TNFRSF13B: variants seen among roughly 807,000 people sequenced by gnomAD.
TNFRSF13B encodes the protein tumor necrosis factor receptor superfamily member 13B.
In TNFRSF13B, 34 loss-of-function variants were observed where a neutral mutation model predicts 24.0. The ratio of observed to expected loss-of-function variants is 1.41; its 90% CI spans 1.08 to 1.88. The LOEUF (loss-of-function observed/expected upper bound fraction) is 1.88. Ranked by LOEUF, TNFRSF13B falls within the 40% of genes most tolerant of loss-of-function variation. The pLI is 0.00. For synonymous variants in TNFRSF13B, 173 were observed against 150.3 expected (o/e 1.15, Z -1.10); for missense variants, 415 against 380.8 (o/e 1.09, Z -0.75).
In TNFRSF13B at chr17:16,961,927, C is replaced by CA. The variant is rs2087665082; in HGVS notation, c.62-9345dup. The stretch of plus-strand genomic sequence containing the variant: ...TGCTCCACTGAATCTGGGGAGTGGC[C>CA]AAAAAAACCACGGGTAGAACAGGAC... On this transcript the variant is annotated intron_variant, in intron 1 of 4. Coordinates refer to ENST00000261652, the MANE Select transcript of TNFRSF13B (RefSeq NM_012452.3). Among the ~76,000 whole-genome samples the CA allele has an allele frequency of 2.0e-5, 3 of 151,998 alleles. No homozygotes were observed. The South Asian group carries it at 6.2e-4, about 32-fold the overall frequency.
intron 1 of TNFRSF13B, among the ~76,000 whole-genome samples, chr17:16,953,493 C>G (rs1471902482): frequency 6.6e-6 from 1 of 152,320 alleles, no homozygotes; most frequent in East Asian, 1.9e-4. Flanking sequence ...GGTCCCCCGA[C>G]ACCCAATGCC....
chr17:16,939,424 TTCTCTCCCTCTCTGCCTCCTCTGTC>T lies in TNFRSF13B; in HGVS notation c.*98_*122del. 8.4e-7 allele frequency: 1 copy of T among 1,192,284 alleles called. No individual in the cohort carries two copies. The highest frequency in any genetic ancestry group is 1.2e-6 in the Non-Finnish European group (1 of 865,542). 73.9% of individuals were successfully genotyped at this position (1,192,284 alleles called of 1,614,324 possible). ...CTCTCTCCCTCTCTGTCTCCTCTGTTTCTCTCCCTCTCTGCCTCCTCTGTCTCTCTCTCCTCATATCTCTCTCCCC... is the reference window on the plus strand; with the variant it reads ...CTCTCTCCCTCTCTGTCTCCTCTGTTTCTCTCTCCTCATATCTCTCTCCCC... On this transcript the variant is annotated 3_prime_UTR_variant, in exon 5 of 5. Coordinates refer to ENST00000261652, the MANE Select transcript of TNFRSF13B (RefSeq NM_012452.3).
intron 1 of TNFRSF13B, among the ~76,000 whole-genome samples, chr17:16,970,413 G>T (rs908205353): frequency 5.0e-4 from 76 of 152,282 alleles, no homozygotes; most frequent in African/African-American, 1.8e-3. Flanking sequence ...CCTCCTCACG[G>T]GCTTGGCCGG....
chr17:16,959,165 CAG>C (rs1408882798), intron 1 of TNFRSF13B, among the ~76,000 whole-genome samples: 7 of 151,880 alleles, frequency 4.6e-5, no homozygotes, highest in Non-Finnish European at 2.9e-5. Flanking sequence ...AGATCAATAA[CAG>C]AAGGAAAATT....
intron 3 of TNFRSF13B, among the ~76,000 whole-genome samples, chr17:16,947,331 C>T (rs1236516777): frequency 2.6e-5 from 4 of 152,042 alleles, no homozygotes; most frequent in Non-Finnish European, 5.9e-5. Context: ...GCAATTGCAA[C>T]AAAAACAAAA....
intron 1 of TNFRSF13B, among the ~76,000 whole-genome samples, chr17:16,957,141 A>G (rs1754434329): frequency 1.3e-5 from 2 of 149,288 alleles, no homozygotes; most frequent in South Asian, 4.2e-4. Flanking sequence ...CTTTTGCTGA[A>G]TTTTTCTGTG....
intron 1 of TNFRSF13B, among the ~76,000 whole-genome samples, chr17:16,952,882 C>T (rs935441403): frequency 3.3e-5 from 5 of 152,172 alleles, no homozygotes; most frequent in Non-Finnish European, 7.4e-5. Flanking sequence ...CCTTAACGTG[C>T]CACGCCTCTC....
chr17:16,940,059 T>C, intron 4 of TNFRSF13B: 2 of 1,043,210 alleles, frequency 1.9e-6, no homozygotes, highest in Non-Finnish European at 2.7e-6. Context: ...CTCCTGGGCT[T>C]AGCCCTGAAG....
chr17:16,953,911 T>G (rs2087607599), intron 1 of TNFRSF13B, among the ~76,000 whole-genome samples: 1 of 152,084 alleles, frequency 6.6e-6, no homozygotes, highest in Non-Finnish European at 1.5e-5. Context: ...GGATTACAAG[T>G]GCATGCTACC....
chr17:16,944,817 G>A (rs986479428), intron 3 of TNFRSF13B, among the ~76,000 whole-genome samples: 4 of 152,172 alleles, frequency 2.6e-5, no homozygotes, highest in African/African-American at 9.7e-5. Flanking sequence ...GGCAGGGCTG[G>A]AGACAGGGAA....
At position 16,939,291 on chromosome 17, in the gene TNFRSF13B, C is replaced by G; in HGVS notation, c.*256G>C. 2.1e-6 allele frequency: 1 copy of G among 487,720 alleles called. No homozygotes were observed. Among genetic ancestry groups the G allele is most frequent in the Non-Finnish European group, 3.6e-6 (1 of 277,136 alleles). The allele number at this position is 487,720 out of a possible 1,614,324, so 30.2% of individuals were successfully genotyped here. On this transcript the variant is annotated 3_prime_UTR_variant, in exon 5 of 5. Transcript: ENST00000261652. ...TCTCTGTCTCTCTGCCTCTCTCCCT[C>G]TCTGCCTCTCTCCCTCTCTGCCTCT...
At chr17:16,941,944 C>G (rs1292266821) in intron 3 of TNFRSF13B, among the ~76,000 whole-genome samples, 1 of 152,144 alleles carries the variant, frequency 6.6e-6, no homozygotes, top group Non-Finnish European at 1.5e-5. Flanking sequence ...GTGTATTAGA[C>G]CTTCGTTTCT....
Position 16,939,475 on chromosome 17 carries a change from T to G in TNFRSF13B, c.*72A>C. On this transcript the variant is annotated 3_prime_UTR_variant, in exon 5 of 5. Coordinates refer to ENST00000261652, the MANE Select transcript of TNFRSF13B (RefSeq NM_012452.3). The stretch of plus-strand genomic sequence containing the variant: ...TCTCTCTCCTCATATCTCTCTCCCC[T>G]CTCCCCACCTCTCTTTCTCTCTCCC... 1 of 1,490,742 alleles carries G rather than the reference T, an allele frequency of 6.7e-7. No individual in the cohort carries two copies. The highest frequency in any genetic ancestry group is 9.1e-7 in the Non-Finnish European group (1 of 1,100,830). 92.3% of individuals were successfully genotyped at this position (1,490,742 alleles called of 1,614,324 possible). A position where few individuals can be genotyped will look rare whatever the true frequency, so the allele number is the denominator to read the frequency against.
chr17:16,964,345 T>TC (rs1391615367), intron 1 of TNFRSF13B, among the ~76,000 whole-genome samples: 4 of 147,326 alleles, frequency 2.7e-5, no homozygotes, highest in Non-Finnish European at 4.5e-5. Flanking sequence ...GCCTTTTTTT[T>TC]TTTTTTTTTT....
At chr17:16,952,699 T>C in intron 1 of TNFRSF13B, 116 bp from the exon 2 acceptor site, 1 of 1,498,754 alleles carries the variant, frequency 6.7e-7, no homozygotes, top group East Asian at 2.4e-5. Context: ...CCTTTCTGTC[T>C]GAGGAGCAGA....
intron 1 of TNFRSF13B, among the ~76,000 whole-genome samples, chr17:16,960,263 T>C (rs1180128933): frequency 6.6e-6 from 1 of 152,170 alleles, no homozygotes. Flanking sequence ...CCTATCATGA[T>C]AAAGGCCATA....
intron 4 of TNFRSF13B, chr17:16,940,010 C>T (rs2087497539): frequency 1.0e-6 from 1 of 965,232 alleles, no homozygotes; most frequent in South Asian, 1.8e-5. Context: ...TCACTTCTGT[C>T]CAGCACCGAG....
chr17:16,951,039 A>G (rs542354041), intron 2 of TNFRSF13B, among the ~76,000 whole-genome samples: 28 of 152,240 alleles, frequency 1.8e-4, no homozygotes, highest in Non-Finnish European at 2.6e-4. Context: ...GCAGATTCCT[A>G]TTTCCATGGG....
rs779573943 is a variant in TNFRSF13B, at chr17:16,967,322, C to T, written c.61+4693G>A. ...ACAGCAAGGCATATTAACTAAAAAA[C>T]AAAAATAAAAACAAAACAAGGTATA... is the stretch of plus-strand genomic sequence containing the variant. On this transcript the variant is annotated intron_variant, in intron 1 of 4. Transcript: ENST00000261652. Among the ~76,000 whole-genome samples the T allele has an allele frequency of 7.6e-4, 116 of 152,016 alleles. No individual in the cohort carries two copies. In the Middle Eastern group the frequency reaches 0.017, roughly 22 times the overall value.
Sources: allele counts gnomAD v4.1 joint callset (sites outside exome capture counted in the v4.1 genomes callset), GRCh38; gene constraint gnomAD v4.1.1; transcripts MANE v1.5; gene names NCBI Gene and HGNC (gene_info 2026-07-23, HGNC 2026-07-21).